SPTBN4: variants seen among roughly 807,000 people sequenced by gnomAD.
SPTBN4 encodes spectrin beta chain, non-erythrocytic 4.
In SPTBN4, 96 loss-of-function variants were observed where a neutral mutation model predicts 277.8. That is an observed-to-expected ratio of 0.35 (90% CI 0.29 to 0.41). The LOEUF (loss-of-function observed/expected upper bound fraction) is 0.41, where lower values mean the gene tolerates loss of function less well. Ranked by LOEUF, SPTBN4 falls within the 10% of genes least tolerant of loss-of-function variation. SPTBN4 has a pLI of 1.00. For synonymous variants in SPTBN4, 1,481 were observed against 1,580.3 expected (o/e 0.94, Z 1.49); for missense variants, 3,006 against 3,595.7 (o/e 0.84, Z 4.19).
intron 22 of SPTBN4, among the ~76,000 whole-genome samples, chr19:40,551,428 AAAAC>A (rs1302872115): frequency 1.3e-4 from 19 of 151,734 alleles, no homozygotes; most frequent in Admixed American, 2.6e-4. Flanking sequence ...CACGTCCCCC[AAAAC>A]AAACAAACAA....
intron 29 of SPTBN4, 132 bp downstream of exon 29, chr19:40,565,877 C>A: frequency 9.6e-7 from 1 of 1,045,644 alleles, no homozygotes; most frequent in South Asian, 1.7e-5. Context: ...AACATAAGGG[C>A]CTGGAAGGGT....
chr19:40,566,313 C>T lies in SPTBN4; in HGVS notation c.6290C>T (p.Ala2097Val). The T allele has an allele frequency of 6.3e-7, 1 of 1,593,580 alleles. No individual in the cohort carries two copies. The highest frequency in any genetic ancestry group is 8.5e-7 in the Non-Finnish European group (1 of 1,170,148). ...CGACATGAGGCCTTCCGCAAAGCGG[C>T]TGCAGCCTGGGAAGAGAGGTTCAGC... ...IRRHEAFRKA[A>V]AAWEERFSSL... The change falls in exon 30 of 36, where the codon GCT (alanine) becomes GTT (valine). Residue 2097 changes from alanine to valine, a missense_variant. Around this residue, in one of 5 missense-constraint regions of SPTBN4, gnomAD observed 630 missense variants for 677.6 expected, o/e 0.93. Coordinates refer to ENST00000598249, the MANE Select transcript of SPTBN4 (RefSeq NM_020971.3).
intron 2 of SPTBN4, among the ~76,000 whole-genome samples, chr19:40,477,357 A>G (rs780345544): frequency 1.1e-4 from 16 of 152,070 alleles, no homozygotes; most frequent in Non-Finnish European, 2.1e-4. Context: ...TTTTATCTAG[A>G]AAATATTAAT....
chr19:40,471,146 C>G (rs2079880168), intron 1 of SPTBN4, among the ~76,000 whole-genome samples: 1 of 152,010 alleles, frequency 6.6e-6, no homozygotes. Flanking sequence ...AGGGTTTCAC[C>G]ATGTTGGCCA....
Position 40,502,588 on chromosome 19 carries a change from C to G in SPTBN4, c.1203+81C>G. 1 of 1,439,298 alleles carries G rather than the reference C, an allele frequency of 6.9e-7. No individual in the cohort carries two copies. The highest frequency in any genetic ancestry group is 1.4e-5 in the African/African-American group (1 of 71,006). 89.2% of individuals were successfully genotyped at this position (1,439,298 alleles called of 1,614,324 possible). A position where few individuals can be genotyped will look rare whatever the true frequency, so the allele number is the denominator to read the frequency against. The stretch of plus-strand genomic sequence containing the variant: ...GCACACTGCTCAAGGGAATCATTCA[C>G]ATTGTAGACATGATGGATTAGATAT... On this transcript the variant is annotated intron_variant, in intron 10 of 35. Transcript: ENST00000598249. This position sits in a 1 kb window ranked among gnomAD's most constrained non-coding sequence, Gnocchi z 4.9.
chr19:40,508,858 G>C (rs529232287), intron 13 of SPTBN4, among the ~76,000 whole-genome samples: 1 of 152,116 alleles, frequency 6.6e-6, no homozygotes, highest in East Asian at 1.9e-4. Context: ...TAGGTGGTGG[G>C]AGGAAGAGAA....
intron 2 of SPTBN4, among the ~76,000 whole-genome samples, chr19:40,473,701 G>A (rs1263952874): frequency 6.6e-6 from 1 of 152,044 alleles, no homozygotes; most frequent in East Asian, 1.9e-4. Context: ...TGTGACTGCT[G>A]TATAGGTCAG....
intron 6 of SPTBN4, among the ~76,000 whole-genome samples, chr19:40,496,039 G>A (rs1258461182): frequency 6.6e-6 from 1 of 152,152 alleles, no homozygotes; most frequent in Non-Finnish European, 1.5e-5. Context: ...GGTGACATTC[G>A]CTCAGTGTTT....
At chr19:40,555,531 A>G (rs1445031537) in intron 24 of SPTBN4, among the ~76,000 whole-genome samples, 1 of 151,326 alleles carries the variant, frequency 6.6e-6, no homozygotes, top group Non-Finnish European at 1.5e-5. Flanking sequence ...AAAGAAAGGA[A>G]ACTGGGTGAG....
At position 40,501,897 on chromosome 19, in the gene SPTBN4, T is replaced by C. The variant is rs543844643; in HGVS notation, c.785-24T>C. The C allele has an allele frequency of 6.8e-6, 11 of 1,607,054 alleles. No individual in the cohort carries two copies. The Admixed American group carries it at 1.7e-4, about 24-fold the overall frequency. ...TCTGTCAAAGTGCCCACTGTCTTGT[T>C]TCCCCACTCCCTCTTGCTTCCAGAT... On this transcript the variant is annotated intron_variant, in intron 7 of 35. Coordinates refer to ENST00000598249, the MANE Select transcript of SPTBN4 (RefSeq NM_020971.3).
At chr19:40,532,384 AG>A (rs2080686175) in intron 18 of SPTBN4, among the ~76,000 whole-genome samples, 1 of 152,002 alleles carries the variant, frequency 6.6e-6, no homozygotes, top group Non-Finnish European at 1.5e-5. Flanking sequence ...GACAGGGGAC[AG>A]GGGAGCAAAG....
intron 12 of SPTBN4, among the ~76,000 whole-genome samples, chr19:40,504,388 T>C (rs536887952): frequency 6.6e-6 from 1 of 152,030 alleles, no homozygotes; most frequent in East Asian, 1.9e-4. Context: ...AGAAACATGC[T>C]GGACACGGTG....
At position 40,490,785 on chromosome 19, in the gene SPTBN4, T is replaced by A. The variant is rs574788286; in HGVS notation, c.495+537T>A. Among the ~76,000 whole-genome samples the A allele has an allele frequency of 6.8e-4, 103 of 152,242 alleles. No individual in the cohort carries two copies. The highest frequency in any genetic ancestry group is 1.1e-3 in the Non-Finnish European group (77 of 68,000). On this transcript the variant is annotated intron_variant, in intron 4 of 35. Transcript: ENST00000598249. This position sits in a 1 kb window ranked among gnomAD's most constrained non-coding sequence, Gnocchi z 4.3. The stretch of plus-strand genomic sequence containing the variant: ...AAAAGCTATGCAGGGCCAGGTGAAG[T>A]GGCCTGTAAACCCAGCACTTTGCGA...
intron 17 of SPTBN4, among the ~76,000 whole-genome samples, chr19:40,527,505 C>T (rs1452667081): frequency 1.3e-5 from 2 of 152,062 alleles, no homozygotes; most frequent in South Asian, 2.1e-4. Context: ...GCGTTAAGTG[C>T]TAAGGAGAAA....
chr19:40,557,295 G>A lies in SPTBN4; in HGVS notation c.5562G>A (p.Arg1854=). 6.2e-7 allele frequency: 1 copy of A among 1,613,432 alleles called. No homozygotes were observed. Among genetic ancestry groups the A allele is most frequent in the East Asian group, 2.2e-5 (1 of 44,850 alleles). Residue 1854 remains arginine (R), a synonymous_variant, in exon 26 of 36, where the codon CGG becomes CGA. Coordinates refer to ENST00000598249, the MANE Select transcript of SPTBN4 (RefSeq NM_020971.3). ...RELQGQIEEK[R]RRLPRLTTPP... is the part of the protein sequence containing the mutation. ...TTCAGGGACAGATTGAGGAGAAGCGGAGGCGGCTGCCCCGCCTGACCACCC... is the reference window on the plus strand; with the variant it reads ...TTCAGGGACAGATTGAGGAGAAGCGAAGGCGGCTGCCCCGCCTGACCACCC...
In SPTBN4 at chr19:40,487,824, G is replaced by A. The variant is rs754954176; in HGVS notation, c.297G>A (p.Leu99=). The change falls in exon 3 of 36, where the codon CTG becomes CTA. Residue 99 remains leucine, a synonymous_variant. Transcript: ENST00000598249. ...LRDGFVLTRL[L]EVLSGEQLPR... ...ACGGCTTCGTGCTCACGCGGCTCCT[G>A]GAAGTGCTGTCTGGGGAGCAGCTGG... 1.2e-6 allele frequency: 2 copies of A among 1,609,206 alleles called. No individual in the cohort carries two copies. Among genetic ancestry groups the A allele is most frequent in the Non-Finnish European group, 1.7e-6 (2 of 1,177,774 alleles).
chr19:40,545,156 C>T (rs971916376), intron 20 of SPTBN4, among the ~76,000 whole-genome samples: 1 of 151,810 alleles, frequency 6.6e-6, no homozygotes, highest in Non-Finnish European at 1.5e-5. Context: ...ATTGCAGCGA[C>T]GTGATCTCGG....
chr19:40,533,655 G>A lies in SPTBN4; in HGVS notation c.4096-425G>A, dbSNP rs548980474. 3.3e-5 allele frequency among the ~76,000 whole-genome samples: 5 copies of A among 151,426 alleles called. No homozygotes were observed. The South Asian group carries it at 8.4e-4, about 25-fold the overall frequency. On this transcript the variant is annotated intron_variant, in intron 19 of 35. Transcript: ENST00000598249. ...AGTTCATTCTCTCCCTGCCTCTCTG[G>A]CTCCCTCTATCTTTCTTTCCTGTCT...
chr19:40,536,677 A>G (rs1354699090), intron 20 of SPTBN4, among the ~76,000 whole-genome samples: 2 of 152,180 alleles, frequency 1.3e-5, no homozygotes, highest in East Asian at 1.9e-4. Flanking sequence ...GGCCAGGCAT[A>G]ATGGCTCATG....
Sources: allele counts gnomAD v4.1 joint callset (sites outside exome capture counted in the v4.1 genomes callset), GRCh38; gene constraint gnomAD v4.1.1; regional missense constraint gnomAD v4.1.1; non-coding constraint Gnocchi (gnomAD v3.1); transcripts MANE v1.5; gene names NCBI Gene and HGNC (gene_info 2026-07-23, HGNC 2026-07-21).